Variants in ACVR2A observed in about 807,000 individuals in gnomAD.
ACVR2A encodes the protein activin A receptor type 2A.
Under a neutral mutation model 61.4 loss-of-function variants are expected in ACVR2A, and 7 were observed. The observed-to-expected ratio is 0.11, with a 90% CI of 0.06 to 0.21. The LOEUF (loss-of-function observed/expected upper bound fraction) is 0.21. ACVR2A is among the 10% of genes least tolerant of loss of function. The pLI, the probability that ACVR2A is intolerant of heterozygous loss-of-function variation, is 1.00. For missense variants in ACVR2A, 322 were observed against 621.7 expected (o/e 0.52, Z 5.13); for synonymous variants, 193 against 208.3 (o/e 0.93, Z 0.63).
At chr2:147,845,394 A>T (rs556889523) in intron 1 of ACVR2A, among the ~76,000 whole-genome samples, 187 bp downstream of exon 1, 3 of 120,682 alleles carry the variant, frequency 2.5e-5, no homozygotes, top group Admixed American at 1.1e-4. Flanking sequence ...GGAAACCTCC[A>T]TGCATTTTTC....
chr2:147,869,075 C>T (rs193026956), intron 1 of ACVR2A, among the ~76,000 whole-genome samples: 1 of 152,080 alleles, frequency 6.6e-6, no homozygotes, highest in East Asian at 1.9e-4. Flanking sequence ...AAAAGCAGTC[C>T]TTGACGAGTT....
At chr2:147,890,485 A>ACT in intron 1 of ACVR2A, among the ~76,000 whole-genome samples, 1 of 152,174 alleles carries the variant, frequency 6.6e-6, no homozygotes, top group Non-Finnish European at 1.5e-5. Context: ...CCCAGGACCT[A>ACT]CATAATGGCA....
rs745374659 is a variant in ACVR2A at position 147,927,321 on chromosome 2, G to A, written c.*47G>A. 3 of 1,526,510 alleles carry A rather than the reference G, an allele frequency of 2.0e-6. No homozygotes were observed. Among genetic ancestry groups the A allele is most frequent in the East Asian group, 4.7e-5 (2 of 42,540 alleles). 94.6% of individuals were successfully genotyped at this position (1,526,510 alleles called of 1,614,324 possible). On this transcript the variant is annotated 3_prime_UTR_variant, in exon 11 of 11. Coordinates refer to ENST00000241416, the MANE Select transcript of ACVR2A (RefSeq NM_001616.5). ...CTAAGAAATGGGACTCTGAACTGGAGCTGCTAAGCTAAAGAAACTGCTTAC... is the reference window on the plus strand; with the variant it reads ...CTAAGAAATGGGACTCTGAACTGGAACTGCTAAGCTAAAGAAACTGCTTAC...
At chr2:147,876,627 G>T (rs914715947) in intron 1 of ACVR2A, among the ~76,000 whole-genome samples, 6 of 152,292 alleles carry the variant, frequency 3.9e-5, no homozygotes, top group African/African-American at 1.4e-4. Flanking sequence ...TTTAACACCT[G>T]TAGATATGTA....
At chr2:147,869,479 G>A (rs1045376803) in intron 1 of ACVR2A, among the ~76,000 whole-genome samples, 5 of 152,186 alleles carry the variant, frequency 3.3e-5, no homozygotes, top group Admixed American at 2.0e-4. Flanking sequence ...GGGATTGAAT[G>A]TGTTTGGGAA....
intron 10 of ACVR2A, 133 bp from the exon 11 acceptor site, chr2:147,926,947 G>C: frequency 1.3e-6 from 1 of 799,756 alleles, no homozygotes; most frequent in South Asian, 1.8e-5. Flanking sequence ...GCACATGGTA[G>C]TCAATAAAAG....
At chr2:147,920,390 A>G (rs1288458168) in intron 8 of ACVR2A, 46 bp downstream of exon 8, 13 of 1,456,420 alleles carry the variant, frequency 8.9e-6, no homozygotes, top group African/African-American at 1.4e-5. Context: ...AACTTGTTCC[A>G]TATTTTCTTA....
chr2:147,866,808 A>G (rs1016187609), intron 1 of ACVR2A, among the ~76,000 whole-genome samples: 3 of 152,218 alleles, frequency 2.0e-5, no homozygotes, highest in African/African-American at 7.2e-5. Context: ...CCATTCTGAT[A>G]GGGATATCAA....
intron 3 of ACVR2A, 64 bp downstream of exon 3, chr2:147,899,631 G>A: frequency 3.2e-6 from 5 of 1,582,104 alleles, no homozygotes; most frequent in Non-Finnish European, 3.5e-6. Flanking sequence ...ATATATTTGT[G>A]TTGATGGAAT....
chr2:147,910,598 C>T (rs1687089204), intron 4 of ACVR2A, among the ~76,000 whole-genome samples: 1 of 152,068 alleles, frequency 6.6e-6, no homozygotes, highest in Non-Finnish European at 1.5e-5. Flanking sequence ...TGCTATTGTT[C>T]TCTATAGAAA....
At chr2:147,866,793 G>A (rs886661906) in intron 1 of ACVR2A, among the ~76,000 whole-genome samples, 1 of 152,200 alleles carries the variant, frequency 6.6e-6, no homozygotes, top group African/African-American at 2.4e-5. Context: ...CAAAGTACTT[G>A]TGGCCCATTC....
chr2:147,852,128 G>C (rs1312591373), intron 1 of ACVR2A, among the ~76,000 whole-genome samples: 1 of 151,972 alleles, frequency 6.6e-6, no homozygotes, highest in Non-Finnish European at 1.5e-5. Flanking sequence ...TATAGATTTA[G>C]AGGGGATCTT....
chr2:147,879,236 G>A (rs936638776), intron 1 of ACVR2A, among the ~76,000 whole-genome samples: 6 of 152,106 alleles, frequency 3.9e-5, no homozygotes, highest in African/African-American at 2.4e-5. Flanking sequence ...ATAAAGAACA[G>A]AAATTTCTTC....
intron 1 of ACVR2A, among the ~76,000 whole-genome samples, chr2:147,868,508 T>C (rs897487634): frequency 3.9e-5 from 6 of 152,116 alleles, no homozygotes; most frequent in Non-Finnish European, 1.5e-5. Flanking sequence ...TAACACCAAC[T>C]CTTGAATTTT....
intron 4 of ACVR2A, among the ~76,000 whole-genome samples, chr2:147,909,441 T>G (rs1449902847): frequency 2.0e-5 from 3 of 151,922 alleles, no homozygotes; most frequent in Admixed American, 2.0e-4. Context: ...TTGGCAGTAG[T>G]TTTTTTTCCA....
intron 6 of ACVR2A, among the ~76,000 whole-genome samples, chr2:147,917,710 A>G (rs1196741041): frequency 6.6e-6 from 1 of 151,940 alleles, no homozygotes; most frequent in Non-Finnish European, 1.5e-5. Flanking sequence ...ATTTTAGTGT[A>G]GGTAATGCTT....
At chr2:147,847,771 C>T (rs1685349276) in intron 1 of ACVR2A, among the ~76,000 whole-genome samples, 2 of 152,244 alleles carry the variant, frequency 1.3e-5, no homozygotes, top group African/African-American at 4.8e-5. Context: ...TTTTTCATTC[C>T]TCTCATACTT....
intron 1 of ACVR2A, among the ~76,000 whole-genome samples, chr2:147,859,197 T>C (rs544079143): frequency 3.3e-5 from 5 of 152,234 alleles, no homozygotes; most frequent in African/African-American, 1.2e-4. Context: ...GAAAATAGAT[T>C]TAGTATTCCT....
At chr2:147,886,095 T>C (rs1479282478) in intron 1 of ACVR2A, among the ~76,000 whole-genome samples, 1 of 152,168 alleles carries the variant, frequency 6.6e-6, no homozygotes, top group Non-Finnish European at 1.5e-5. Flanking sequence ...GATTGTACTA[T>C]ACCAGAATTT....
Sources: allele counts gnomAD v4.1 joint callset (sites outside exome capture counted in the v4.1 genomes callset), GRCh38; gene constraint gnomAD v4.1.1; transcripts MANE v1.5; gene names NCBI Gene and HGNC (gene_info 2026-07-23, HGNC 2026-07-21).